Variants in RNF19A observed in about 807,000 individuals in gnomAD.
RNF19A encodes ring finger protein 19A, RBR E3 ubiquitin protein ligase.
A neutral mutation model predicts 75.7 loss-of-function variants in RNF19A; 32 were observed. That is an observed-to-expected ratio of 0.42 (90% confidence interval 0.32 to 0.57). RNF19A has a LOEUF of 0.57. RNF19A is among the 20% of genes least tolerant of loss of function. The pLI, the probability that RNF19A is intolerant of heterozygous loss-of-function variation, is 0.10. For synonymous variants in RNF19A, 335 were observed against 345.2 expected, an observed-to-expected ratio of 0.97 and a Z score of 0.33; for missense variants, 782 against 1,036.3, an observed-to-expected ratio of 0.75 and a Z score of 3.37.
chr8:100,272,538 C>CTTT (rs368580933), intron 3 of RNF19A, among the ~76,000 whole-genome samples: 1 of 144,378 alleles, frequency 6.9e-6, no homozygotes, highest in African/African-American at 2.5e-5. Flanking sequence ...GTTCACTACA[C>CTTT]TTTTTTTTTT....
intron 1 of RNF19A, among the ~76,000 whole-genome samples, chr8:100,292,439 T>TGG (rs779587880): frequency 1.4e-5 from 2 of 143,082 alleles, no homozygotes; most frequent in Non-Finnish European, 3.0e-5. Context: ...CATATGGGTG[T>TGG]GTGTGTGTGT....
upstream of RNF19A, among the ~76,000 whole-genome samples, chr8:100,310,652 C>A (rs1287268737): frequency 6.6e-6 from 1 of 152,236 alleles, no homozygotes; most frequent in Admixed American, 6.5e-5. Flanking sequence ...CTGCAGCCGC[C>A]CTCTTAGTGC....
Position 100,333,683 on chromosome 8 carries a change from G to T in RNF19A, c.-243+2425C>A, listed in dbSNP as rs564280683. Reference sequence around the variant, plus strand: ...TTTTTTAAAACAATAGCTGGGCATGGTGGTGTCTCCTGTAGTCCTAGCTAC... The same window carrying T: ...TTTTTTAAAACAATAGCTGGGCATGTTGGTGTCTCCTGTAGTCCTAGCTAC... On this transcript the variant is annotated intron_variant, in intron 1 of 3. Transcript: ENST00000519527. The surrounding 1 kb of genome is among the most constrained non-coding windows in gnomAD (Gnocchi z 4.7). Among the ~76,000 whole-genome samples the T allele has an allele frequency of 2.1e-3, 320 of 152,296 alleles. No individual in the cohort carries two copies. The highest frequency in any genetic ancestry group is 7.2e-3 in the African/African-American group (301 of 41,556).
In RNF19A at chr8:100,258,780, T is replaced by G. The variant is rs1360677096; in HGVS notation, c.2293A>C (p.Asn765His). 1 of 1,614,072 alleles carries G rather than the reference T, an allele frequency of 6.2e-7. No individual in the cohort carries two copies. Among genetic ancestry groups the G allele is most frequent in the African/African-American group, 1.3e-5 (1 of 74,928 alleles). The change falls in exon 10 of 10, where the codon AAT becomes CAT. Residue 765 changes from asparagine to histidine, a missense_variant. By Grantham distance (68) the Asn-to-His change is moderately conservative (BLOSUM62 1). Transcript: ENST00000341084. The surrounding 1 kb of genome is among the most constrained non-coding windows in gnomAD (Gnocchi z 4.3). ...ATVNILPEVE[N>H]DRLENSPHQC... ...TGTGGGGAATTTTCCAGACGGTCAT[T>G]TTCTACCTCAGGAAGAATGTTAACA...
At position 100,287,960 on chromosome 8, in the gene RNF19A, C is replaced by T. The variant is rs759855210; in HGVS notation, c.215G>A (p.Arg72Gln). 1.4e-5 allele frequency: 22 copies of T among 1,613,964 alleles called. No individual in the cohort carries two copies. The highest frequency in any genetic ancestry group is 1.1e-4 in the East Asian group (5 of 44,892). Reference protein sequence around the residue: ...KRRISIGSLFRRKKDNKRKSR... With the variant: ...KRRISIGSLFQRKKDNKRKSR... ...TTTACGTTTGTTATCTTTTTTCCTC[C>T]GAAACAGGGAGCCTATTGAAATTCT... is the stretch of plus-strand genomic sequence containing the variant. The change falls in exon 2 of 10, where the codon CGG (arginine) becomes CAG (glutamine). Residue 72 changes from arginine to glutamine, a missense_variant. Physicochemically the swap from Arg to Gln is conservative, Grantham distance 43. Transcript: ENST00000341084. The surrounding 1 kb of genome is among the most constrained non-coding windows in gnomAD (Gnocchi z 4.1).
intron 1 of RNF19A, among the ~76,000 whole-genome samples, chr8:100,316,488 G>T (rs1822377475): frequency 6.6e-6 from 1 of 152,102 alleles, no homozygotes; most frequent in Non-Finnish European, 1.5e-5. Context: ...CCCTGAGCTA[G>T]ATATAAAGGT....
chr8:100,319,677 A>G (rs1822436584), intron 1 of RNF19A, among the ~76,000 whole-genome samples: 1 of 151,158 alleles, frequency 6.6e-6, no homozygotes, highest in African/African-American at 2.4e-5. Context: ...TTACAGGCAC[A>G]CACCACCATG....
intron 1 of RNF19A, among the ~76,000 whole-genome samples, chr8:100,308,020 G>T (rs1427160482): frequency 6.6e-6 from 1 of 152,076 alleles, no homozygotes; most frequent in African/African-American, 2.4e-5. Flanking sequence ...ATCAACTGAG[G>T]CATCCCCTAA....
At chr8:100,293,582 T>A (rs984689338) in intron 1 of RNF19A, among the ~76,000 whole-genome samples, 2 of 152,198 alleles carry the variant, frequency 1.3e-5, no homozygotes, top group Non-Finnish European at 2.9e-5. Context: ...TAGATGTGGT[T>A]TTCCTTGTCT....
upstream of RNF19A, among the ~76,000 whole-genome samples, chr8:100,310,858 C>G (rs965757904): frequency 1.8e-4 from 28 of 152,102 alleles, 1 homozygote; most frequent in African/African-American, 6.5e-4. Flanking sequence ...GTTCCTTCGT[C>G]TCATATCTTT....
intron 1 of RNF19A, among the ~76,000 whole-genome samples, chr8:100,294,904 C>T (rs1018408571): frequency 1.3e-5 from 2 of 152,130 alleles, no homozygotes; most frequent in Non-Finnish European, 2.9e-5. Context: ...AGGTCTTCAA[C>T]GAATGACTAA....
At chr8:100,313,433 G>A (rs190972052), upstream of RNF19A, 12 of 343,034 alleles carry the variant, frequency 3.5e-5, no homozygotes, top group South Asian at 4.7e-4. Flanking sequence ...AACAGCAGAC[G>A]CAAAGGTCTT....
At chr8:100,302,116 T>C (rs1051660705) in intron 1 of RNF19A, among the ~76,000 whole-genome samples, 2 of 152,234 alleles carry the variant, frequency 1.3e-5, no homozygotes, top group South Asian at 2.1e-4. Context: ...TGTAAGTACT[T>C]TGGCTTTTAT....
chr8:100,285,133 G>T (rs1185151549), intron 2 of RNF19A, among the ~76,000 whole-genome samples: 1 of 152,090 alleles, frequency 6.6e-6, no homozygotes, highest in African/African-American at 2.4e-5. Flanking sequence ...CACAAGTAAA[G>T]ATTTTCTCTA....
chr8:100,312,836 C>T (rs537871125), upstream of RNF19A, among the ~76,000 whole-genome samples: 8 of 152,038 alleles, frequency 5.3e-5, no homozygotes, highest in Admixed American at 3.3e-4. Context: ...AGGCATGAGT[C>T]GCTTGAACCT....
chr8:100,274,468 G>T (rs535975973), intron 3 of RNF19A, among the ~76,000 whole-genome samples: 1 of 152,150 alleles, frequency 6.6e-6, no homozygotes, highest in Non-Finnish European at 1.5e-5. Flanking sequence ...ATTAAATGTC[G>T]AACATTCTGT....
Position 100,287,561 on chromosome 8 carries a change from A to G in RNF19A, c.614T>C (p.Met205Thr). 6.2e-7 allele frequency: 1 copy of G among 1,614,186 alleles called. No individual in the cohort carries two copies. Among genetic ancestry groups the G allele is most frequent in the Non-Finnish European group, 8.5e-7 (1 of 1,180,012 alleles). The change falls in exon 2 of 10, where the codon ATG becomes ACG. Residue 205 changes from methionine (M) to threonine (T), a missense_variant. Transcript: ENST00000341084. This position sits in a 1 kb window ranked among gnomAD's most constrained non-coding sequence, Gnocchi z 4.1. ...DVLMEKYEEF[M>T]LRRWLVADPD... ...ATCTGCAACAAGCCACCGTCTAAGC[A>G]TAAATTCTTCGTATTTTTCCATCAA...
At chr8:100,282,856 T>C (rs1416061272) in intron 2 of RNF19A, among the ~76,000 whole-genome samples, 1 of 152,204 alleles carries the variant, frequency 6.6e-6, no homozygotes, top group Non-Finnish European at 1.5e-5. Flanking sequence ...TTTTAATCCA[T>C]TAAGAACAAT....
chr8:100,291,273 T>C (rs925118998), intron 1 of RNF19A, among the ~76,000 whole-genome samples: 2 of 152,222 alleles, frequency 1.3e-5, no homozygotes, highest in African/African-American at 4.8e-5. Flanking sequence ...CCGTACTAAA[T>C]GTTAGCTGAA....
Sources: allele counts gnomAD v4.1 joint callset (sites outside exome capture counted in the v4.1 genomes callset), GRCh38; gene constraint gnomAD v4.1.1; non-coding constraint Gnocchi (gnomAD v3.1); transcripts MANE v1.5; gene names NCBI Gene and HGNC (gene_info 2026-07-23, HGNC 2026-07-21).